Variants in FHIT observed in about 807,000 individuals in gnomAD.
FHIT encodes fragile histidine triad diadenosine triphosphatase, also known as bis(5'-adenosyl)-triphosphatase.
In FHIT, 19 loss-of-function variants were observed where a neutral mutation model predicts 17.9. The ratio of observed to expected loss-of-function variants is 1.06; its 90% CI spans 0.74 to 1.56. The LOEUF (loss-of-function observed/expected upper bound fraction) is 1.56, where lower values mean the gene tolerates loss of function less well. Among genes scored for constraint, FHIT ranks in the 40% most tolerant of loss-of-function variants. The probability of loss-of-function intolerance (pLI) is 0.00; values close to 1 mark genes in which losing one functional copy is unlikely to be tolerated. For synonymous variants in FHIT, 81 were observed against 69.7 expected, an observed-to-expected ratio of 1.16 and a Z score of -0.81; for missense variants, 248 against 189.2, an observed-to-expected ratio of 1.31 and a Z score of -1.82.
At chr3:60,454,220 C>A (rs1576681897) in intron 5 of FHIT, among the ~76,000 whole-genome samples, 1 of 152,062 alleles carries the variant, frequency 6.6e-6, no homozygotes, top group Non-Finnish European at 1.5e-5. Context: ...GGAAGCTCCT[C>A]CAAATAATTA....
At chr3:60,390,413 AAAAAAAAAAAAAAAAC>A (rs1003531387) in intron 5 of FHIT, among the ~76,000 whole-genome samples, 5 of 114,144 alleles carry the variant, frequency 4.4e-5, no homozygotes, top group Non-Finnish European at 9.6e-5. Context: ...AAAAAAAAAA[AAAAAAAAAAAAAAAAC>A]CCGTACCCTC....
intron 4 of FHIT, among the ~76,000 whole-genome samples, chr3:60,635,921 G>C (rs72872753): frequency 0.014 from 2,141 of 152,102 alleles, 60 homozygotes; most frequent in African/African-American, 0.049. Flanking sequence ...TCTATTATTA[G>C]CTCAAAGGGT....
At chr3:60,988,749 A>G (rs989386329) in intron 3 of FHIT, among the ~76,000 whole-genome samples, 3 of 152,088 alleles carry the variant, frequency 2.0e-5, no homozygotes, top group Admixed American at 1.3e-4. Context: ...TTTGAGCTGA[A>G]TCTCTCAGCA....
At chr3:60,617,766 G>A (rs1307898353) in intron 4 of FHIT, 1 of 152,996 alleles carries the variant, frequency 6.5e-6, no homozygotes, top group South Asian at 2.1e-4. Flanking sequence ...ATCCAGATGT[G>A]ATCTTTTGGC....
intron 5 of FHIT, among the ~76,000 whole-genome samples, chr3:60,443,791 T>A (rs1313600971): frequency 1.3e-5 from 2 of 152,020 alleles, no homozygotes; most frequent in Non-Finnish European, 2.9e-5. Flanking sequence ...GCCTCATACT[T>A]CATGTCTAAA....
In FHIT at chr3:61,068,069, C is replaced by G. The variant is rs185824835; in HGVS notation, c.-163-25970G>C. ...CTGATTAAGTAAGTGTAGGGTGAGGCCTGAGAATTTGCATTTCAGTAATTT... is the reference window on the plus strand; with the variant it reads ...CTGATTAAGTAAGTGTAGGGTGAGGGCTGAGAATTTGCATTTCAGTAATTT... On this transcript the variant is annotated intron_variant, in intron 2 of 9. Transcript: ENST00000492590. Among the ~76,000 whole-genome samples, 13 of 152,224 alleles carry G rather than the reference C, an allele frequency of 8.5e-5. No homozygotes were observed. The East Asian group carries it at 2.3e-3, about 27-fold the overall frequency.
At chr3:61,135,255 G>A (rs1283719349) in intron 2 of FHIT, among the ~76,000 whole-genome samples, 2 of 152,196 alleles carry the variant, frequency 1.3e-5, no homozygotes, top group East Asian at 3.9e-4. Flanking sequence ...TTCTTTCAAT[G>A]ATTTTTGGCC....
intron 3 of FHIT, among the ~76,000 whole-genome samples, chr3:61,025,587 T>C (rs1435124786): frequency 6.6e-6 from 1 of 152,232 alleles, no homozygotes; most frequent in Non-Finnish European, 1.5e-5. Flanking sequence ...GAAAATATTC[T>C]TAATGTTAGA....
At position 60,589,037 on chromosome 3, in the gene FHIT, G is replaced by T. The variant is rs188495255; in HGVS notation, c.-17-52058C>A. Reference sequence around the variant, plus strand: ...GAAAGACTCCTCGTTGGAGCCTATGGGTTCTACCGGGCAGGTGACTCACCC... The same window carrying T: ...GAAAGACTCCTCGTTGGAGCCTATGTGTTCTACCGGGCAGGTGACTCACCC... On this transcript the variant is annotated intron_variant, in intron 4 of 9. Coordinates refer to ENST00000492590, the MANE Select transcript of FHIT (RefSeq NM_002012.4). 9.1e-3 allele frequency among the ~76,000 whole-genome samples: 1,387 copies of T among 152,104 alleles called. 6 individuals carry two copies. The highest frequency in any genetic ancestry group is 0.015 in the Non-Finnish European group (1,033 of 67,956).
chr3:61,041,747 T>G (rs1225523976), intron 3 of FHIT, among the ~76,000 whole-genome samples: 1 of 151,738 alleles, frequency 6.6e-6, no homozygotes, highest in Non-Finnish European at 1.5e-5. Context: ...ATGCCCTTAC[T>G]TGGAAAGCAG....
chr3:60,800,054 T>G (rs1418406806), intron 4 of FHIT, among the ~76,000 whole-genome samples: 2 of 151,146 alleles, frequency 1.3e-5, no homozygotes, highest in Admixed American at 1.3e-4. Context: ...CATTCTAGCA[T>G]GAAGCCTTTA....
chr3:60,812,823 C>G (rs1701613738), intron 4 of FHIT, among the ~76,000 whole-genome samples: 1 of 152,090 alleles, frequency 6.6e-6, no homozygotes, highest in Admixed American at 6.6e-5. Context: ...CAGACAGATT[C>G]AGATTTGAAG....
At chr3:60,222,738 C>T (rs771961693) in intron 5 of FHIT, among the ~76,000 whole-genome samples, 1 of 151,956 alleles carries the variant, frequency 6.6e-6, no homozygotes, top group African/African-American at 2.4e-5. Context: ...TAAAGGAGGA[C>T]AAGAAAATAG....
chr3:60,861,383 A>G (rs934654644), intron 3 of FHIT, among the ~76,000 whole-genome samples: 4 of 149,506 alleles, frequency 2.7e-5, no homozygotes, highest in African/African-American at 7.4e-5. Flanking sequence ...TTTGGACTAC[A>G]GAATTCTTTG....
intron 4 of FHIT, among the ~76,000 whole-genome samples, chr3:60,704,494 T>G (rs998708632): frequency 5.9e-5 from 9 of 152,208 alleles, no homozygotes; most frequent in Non-Finnish European, 8.8e-5. Context: ...TGGAGGAAAT[T>G]AGAGTAACAT....
intron 4 of FHIT, among the ~76,000 whole-genome samples, chr3:60,799,277 C>A (rs768901453): frequency 6.6e-6 from 1 of 152,092 alleles, no homozygotes; most frequent in African/African-American, 2.4e-5. Flanking sequence ...CAGGTTCAAG[C>A]GATTCTCCTG....
At chr3:60,535,467 A>G (rs997626177) in intron 5 of FHIT, among the ~76,000 whole-genome samples, 1 of 152,200 alleles carries the variant, frequency 6.6e-6, no homozygotes, top group Non-Finnish European at 1.5e-5. Flanking sequence ...AAAGCCCACT[A>G]CAAACTTATA....
intron 8 of FHIT, among the ~76,000 whole-genome samples, chr3:59,872,034 C>T (rs2106908574): frequency 6.6e-6 from 1 of 152,256 alleles, no homozygotes; most frequent in South Asian, 2.1e-4. Context: ...TTAAACTCTC[C>T]AGATTATACT....
At chr3:60,694,445 AAC>A (rs2041067825) in intron 4 of FHIT, among the ~76,000 whole-genome samples, 1 of 152,208 alleles carries the variant, frequency 6.6e-6, no homozygotes, top group African/African-American at 2.4e-5. Context: ...GAGAAATAGG[AAC>A]ACTTTTACAT....
Sources: gnomAD v4.1 joint callset for allele counts (sites outside exome capture counted in the v4.1 genomes callset) on GRCh38, gnomAD v4.1.1 for gene constraint, MANE v1.5 for transcripts, NCBI Gene and HGNC (gene_info 2026-07-23, HGNC 2026-07-21) for gene names.